DMRT1: variants seen among roughly 807,000 people sequenced by gnomAD.
DMRT1 encodes doublesex and mab-3 related transcription factor 1.
Under a neutral mutation model 32.3 loss-of-function variants are expected in DMRT1, and 7 were observed. The ratio of observed to expected loss-of-function variants is 0.22; its 90% CI spans 0.12 to 0.41. The LOEUF (loss-of-function observed/expected upper bound fraction) is 0.41. Among genes scored for constraint, DMRT1 ranks in the 10% least tolerant of loss-of-function variants. DMRT1 has a pLI of 1.00. For missense variants in DMRT1, 625 were observed against 500.5 expected, an observed-to-expected ratio of 1.25 and a Z score of -2.37; for synonymous variants, 278 against 206.1, an observed-to-expected ratio of 1.35 and a Z score of -2.99.
intron 1 of DMRT1, among the ~76,000 whole-genome samples, chr9:846,182 A>C (rs1205284009): frequency 6.6e-6 from 1 of 151,860 alleles, no homozygotes; most frequent in Non-Finnish European, 1.5e-5. Flanking sequence ...CAGGTGGGCT[A>C]ACATGCCTGG....
At chr9:859,018 G>A (rs996016900) in intron 2 of DMRT1, among the ~76,000 whole-genome samples, 1 of 151,864 alleles carries the variant, frequency 6.6e-6, no homozygotes, top group African/African-American at 2.4e-5. Context: ...CCCATTAAAC[G>A]ATTATTTCCC....
intron 4 of DMRT1, among the ~76,000 whole-genome samples, chr9:938,386 T>C (rs1818955181): frequency 6.6e-6 from 1 of 152,230 alleles, no homozygotes. Flanking sequence ...CTTAACAATA[T>C]TAAGTCTTCC....
At chr9:957,767 T>C (rs1343747596) in intron 4 of DMRT1, among the ~76,000 whole-genome samples, 4 of 152,210 alleles carry the variant, frequency 2.6e-5, no homozygotes, top group African/African-American at 9.6e-5. Context: ...CCCAGCACTT[T>C]GGGAGGCTGA....
In DMRT1 at chr9:906,182, C is replaced by T. The variant is rs906882422; in HGVS notation, c.823-10581C>T. 5.8e-4 allele frequency among the ~76,000 whole-genome samples: 89 copies of T among 152,146 alleles called. 2 individuals are homozygous for T. Among genetic ancestry groups the T allele is most frequent in the African/African-American group, 2.1e-3 (86 of 41,436 alleles). On this transcript the variant is annotated intron_variant, in intron 3 of 4. Transcript: ENST00000382276. ...GTCTTAGAGTGGGCAGGGCTTTTTC[C>T]TGCCACCCACAAGTTGAGTGTGTCC...
At chr9:923,759 C>T (rs925577425) in intron 4 of DMRT1, among the ~76,000 whole-genome samples, 1 of 152,132 alleles carries the variant, frequency 6.6e-6, no homozygotes, top group Admixed American at 6.5e-5. Context: ...AAACATCAAC[C>T]CTTGTCTTTC....
chr9:852,299 A>AC (rs1485047115), intron 2 of DMRT1, among the ~76,000 whole-genome samples: 2 of 151,558 alleles, frequency 1.3e-5, no homozygotes, highest in African/African-American at 2.4e-5. Flanking sequence ...TTCAGAAAAA[A>AC]AAAAGATAAA....
At chr9:878,202 C>G (rs1038922055) in intron 2 of DMRT1, among the ~76,000 whole-genome samples, 2 of 94,830 alleles carry the variant, frequency 2.1e-5, no homozygotes, top group African/African-American at 3.9e-5. Flanking sequence ...CAGCTGCTGC[C>G]CCCCCCCCAC....
intron 4 of DMRT1, among the ~76,000 whole-genome samples, chr9:961,689 G>C (rs528134998): frequency 4.6e-5 from 7 of 152,120 alleles, no homozygotes; most frequent in Non-Finnish European, 8.8e-5. Context: ...ATGTATTCCT[G>C]GTTCTCTGAA....
intron 4 of DMRT1, among the ~76,000 whole-genome samples, chr9:948,710 C>G (rs1311231261): frequency 6.6e-6 from 1 of 151,984 alleles, no homozygotes; most frequent in African/African-American, 2.4e-5. Context: ...GAGTGGCCAC[C>G]CAACACTTTA....
At chr9:905,632 T>G (rs1049628399) in intron 3 of DMRT1, among the ~76,000 whole-genome samples, 12 of 152,144 alleles carry the variant, frequency 7.9e-5, no homozygotes, top group African/African-American at 2.9e-4. Flanking sequence ...AGTCTTTCAT[T>G]GCGGTGCCCC....
chr9:877,678 C>T (rs1430340397), intron 2 of DMRT1, among the ~76,000 whole-genome samples: 1 of 152,172 alleles, frequency 6.6e-6, no homozygotes, highest in African/African-American at 2.4e-5. Context: ...CTCTGTGTCT[C>T]TGTTCACTTT....
At chr9:940,656 T>C (rs566124881) in intron 4 of DMRT1, among the ~76,000 whole-genome samples, 2 of 152,206 alleles carry the variant, frequency 1.3e-5, no homozygotes, top group East Asian at 1.9e-4. Flanking sequence ...TTCTTGGATA[T>C]GACATTAAAG....
rs747369731 is a variant in DMRT1 at position 842,165 on chromosome 9, C to G, written c.327C>G (p.Ala109=). Residue 109 remains alanine, a synonymous_variant, in exon 1 of 5, where the codon GCC becomes GCG. Transcript: ENST00000382276. ...DCQCKKCNLI[A]ERQRVMAAQV... The stretch of plus-strand genomic sequence containing the variant: ...AGTGCAAGAAGTGCAACCTGATCGC[C>G]GAGAGGCAGCGCGTGATGGCCGCGC... The G allele has an allele frequency of 1.9e-6, 3 of 1,544,944 alleles. No homozygotes were observed. The highest frequency in any genetic ancestry group is 8.7e-7 in the Non-Finnish European group (1 of 1,150,912).
At chr9:906,031 C>CA (rs755850220) in intron 3 of DMRT1, among the ~76,000 whole-genome samples, 971 of 19,318 alleles carry the variant, frequency 0.05, 7 homozygotes, top group South Asian at 0.3. Context: ...ACACACACAC[C>CA]CACACACACA....
At chr9:863,001 C>A (rs534631750) in intron 2 of DMRT1, among the ~76,000 whole-genome samples, 1 of 152,090 alleles carries the variant, frequency 6.6e-6, no homozygotes, top group African/African-American at 2.4e-5. Flanking sequence ...TGGGCACAAT[C>A]TAATGGCATG....
At chr9:943,146 G>A (rs373720174) in intron 4 of DMRT1, among the ~76,000 whole-genome samples, 2 of 152,196 alleles carry the variant, frequency 1.3e-5, no homozygotes, top group African/African-American at 4.8e-5. Flanking sequence ...ATCAGGAGGA[G>A]GAAGAAAAGC....
In DMRT1 at chr9:858,924, G is replaced by T. The variant is rs572269789; in HGVS notation, c.538+11781G>T. On this transcript the variant is annotated intron_variant, in intron 2 of 4. Coordinates refer to ENST00000382276, the MANE Select transcript of DMRT1 (RefSeq NM_021951.3). ...CATTGTAACCATTTTTAAGCATAGA[G>T]TTCAGTGGTATTAGGTACATTCACC... Among the ~76,000 whole-genome samples the T allele has an allele frequency of 4.8e-4, 72 of 150,860 alleles. 1 individual carries two copies. The South Asian group carries it at 0.01, about 21-fold the overall frequency.
intron 2 of DMRT1, among the ~76,000 whole-genome samples, chr9:857,916 G>A (rs1033030710): frequency 6.6e-6 from 1 of 151,296 alleles, no homozygotes; most frequent in Non-Finnish European, 1.5e-5. Context: ...TGAGAATGAT[G>A]GTTTCCAGTT....
rs10114331 is a variant in DMRT1 at position 928,996 on chromosome 9, C to T, written c.967+12089C>T. Among the ~76,000 whole-genome samples, 1,292 of 152,040 alleles carry T rather than the reference C, an allele frequency of 8.5e-3. 15 individuals are homozygous for T. Among genetic ancestry groups the T allele is most frequent in the African/African-American group, 0.03 (1,245 of 41,464 alleles). On this transcript the variant is annotated intron_variant, in intron 4 of 4. Coordinates refer to ENST00000382276, the MANE Select transcript of DMRT1 (RefSeq NM_021951.3). ...GGGACTACAGGTGCATGCTACCAAG[C>T]CTGGCTAATTTTTTGTATTTTTAGT...
Sources: allele counts gnomAD v4.1 joint callset (sites outside exome capture counted in the v4.1 genomes callset), GRCh38; gene constraint gnomAD v4.1.1; transcripts MANE v1.5; gene names NCBI Gene and HGNC (gene_info 2026-07-23, HGNC 2026-07-21).